GRIN3A: variants seen among roughly 807,000 people sequenced by gnomAD.
GRIN3A encodes glutamate ionotropic receptor NMDA type subunit 3A.
In GRIN3A, 47 loss-of-function variants were observed where a neutral mutation model predicts 92.4. The observed-to-expected ratio is 0.51, with a 90% confidence interval of 0.40 to 0.65. GRIN3A has a LOEUF of 0.65. Among genes scored for constraint, GRIN3A ranks in the 30% least tolerant of loss-of-function variants. The pLI is 0.00. For synonymous variants in GRIN3A, 527 were observed against 540.6 expected, an observed-to-expected ratio of 0.97 and a Z score of 0.35; for missense variants, 1,324 against 1,393.1, an observed-to-expected ratio of 0.95 and a Z score of 0.79.
chr9:101,604,262 G>A (rs954428408), intron 6 of GRIN3A, among the ~76,000 whole-genome samples: 2 of 152,128 alleles, frequency 1.3e-5, no homozygotes, highest in Admixed American at 6.6e-5. Flanking sequence ...AAGAAAGACA[G>A]GAAGAAAGGA....
rs549413295 is a variant in GRIN3A at position 101,580,502 on chromosome 9, G to T, written c.2767-1142C>A. ...CAAGGAAAGAACGTCCCTCAGGGAA[G>T]AGAATGAGTAGATTTAAGGGGAAAA... On this transcript the variant is annotated intron_variant, in intron 6 of 8. Coordinates refer to ENST00000361820, the MANE Select transcript of GRIN3A (RefSeq NM_133445.3). 1.4e-3 allele frequency among the ~76,000 whole-genome samples: 215 copies of T among 152,276 alleles called. 4 individuals carry two copies. The highest frequency in any genetic ancestry group is 2.1e-3 in the South Asian group (10 of 4,828).
At chr9:101,703,099 A>G (rs1025230938) in intron 1 of GRIN3A, among the ~76,000 whole-genome samples, 2 of 152,220 alleles carry the variant, frequency 1.3e-5, no homozygotes, top group South Asian at 4.1e-4. Context: ...TGACACACAG[A>G]CAGCAGGCAG....
chr9:101,612,453 G>A (rs1828379900), intron 6 of GRIN3A, among the ~76,000 whole-genome samples: 1 of 152,196 alleles, frequency 6.6e-6, no homozygotes, highest in South Asian at 2.1e-4. Flanking sequence ...CAGATGCCTG[G>A]AGAATATTCA....
At chr9:101,706,071 A>C (rs542055321) in intron 1 of GRIN3A, among the ~76,000 whole-genome samples, 141 of 152,348 alleles carry the variant, frequency 9.3e-4, no homozygotes, top group African/African-American at 3.2e-3. Context: ...AAAGTAAGAA[A>C]TATAAGAAGC....
intron 3 of GRIN3A, among the ~76,000 whole-genome samples, chr9:101,646,855 C>A (rs1828944427): frequency 6.6e-6 from 1 of 151,674 alleles, no homozygotes; most frequent in Non-Finnish European, 1.5e-5. Context: ...TTGTATCCTG[C>A]AACTTTACCA....
intron 5 of GRIN3A, among the ~76,000 whole-genome samples, chr9:101,621,995 C>G (rs1258301376): frequency 2.0e-5 from 3 of 152,146 alleles, no homozygotes; most frequent in Non-Finnish European, 2.9e-5. Flanking sequence ...TTCTTTTTCT[C>G]CCTTTGCTAT....
chr9:101,593,083 C>T (rs1254164943), intron 6 of GRIN3A: 1 of 152,206 alleles, frequency 6.6e-6, no homozygotes, highest in Non-Finnish European at 1.5e-5. Context: ...GAGCTGGTAA[C>T]ATTTGGGGTA....
intron 3 of GRIN3A, among the ~76,000 whole-genome samples, chr9:101,640,511 T>G (rs1219745438): frequency 6.6e-6 from 1 of 152,222 alleles, no homozygotes; most frequent in African/African-American, 2.4e-5. Flanking sequence ...GAAGTGGAAC[T>G]ATGGCTTACA....
At chr9:101,652,208 A>C (rs1479431093) in intron 3 of GRIN3A, among the ~76,000 whole-genome samples, 1 of 152,010 alleles carries the variant, frequency 6.6e-6, no homozygotes, top group Non-Finnish European at 1.5e-5. Flanking sequence ...AGGGTCACAA[A>C]ACCCAGTTAT....
intron 2 of GRIN3A, 116 bp from the exon 3 acceptor site, chr9:101,671,223 A>T: frequency 1.3e-6 from 1 of 764,686 alleles, no homozygotes; most frequent in Non-Finnish European, 2.3e-6. Flanking sequence ...TTTATTTAAA[A>T]AGACAGTGCC....
chr9:101,570,262 C>T lies in GRIN3A; in HGVS notation c.*2912G>A, dbSNP rs893873999. ...TTCCTGTGCCAGAAAAGCAAGGTAG[C>T]GTCCCTTATCTCTTTCTTCTTTACC... On this transcript the variant is annotated 3_prime_UTR_variant, in exon 9 of 9. Transcript: ENST00000361820. The T allele has an allele frequency of 2.0e-5, 3 of 152,446 alleles. No individual in the cohort carries two copies. The highest frequency in any genetic ancestry group is 2.1e-4 in the South Asian group (1 of 4,816). 9.4% of individuals were successfully genotyped at this position (152,446 alleles called of 1,614,324 possible). A position where few individuals can be genotyped will look rare whatever the true frequency, so the allele number is the denominator to read the frequency against.
intron 1 of GRIN3A, among the ~76,000 whole-genome samples, chr9:101,730,172 CT>C (rs1250585615): frequency 6.6e-6 from 1 of 152,142 alleles, no homozygotes; most frequent in Non-Finnish European, 1.5e-5. Flanking sequence ...TGCTGACCTA[CT>C]TTGCACACAC....
rs559615260 is a variant in GRIN3A, at chr9:101,585,758, A to G, written c.2767-6398T>C. 3.9e-5 allele frequency among the ~76,000 whole-genome samples: 6 copies of G among 152,288 alleles called. No individual in the cohort carries two copies. The East Asian group carries it at 1.2e-3, about 29-fold the overall frequency. ...CTCTCACCTCACCTAGATTATTGAGACAGCCTCCTAGTTGTTTTCCCTAAC... is the reference window on the plus strand; with the variant it reads ...CTCTCACCTCACCTAGATTATTGAGGCAGCCTCCTAGTTGTTTTCCCTAAC... On this transcript the variant is annotated intron_variant, in intron 6 of 8. Coordinates refer to ENST00000361820, the MANE Select transcript of GRIN3A (RefSeq NM_133445.3).
At chr9:101,622,034 C>T (rs1476799613) in intron 5 of GRIN3A, among the ~76,000 whole-genome samples, 1 of 152,190 alleles carries the variant, frequency 6.6e-6, no homozygotes, top group Non-Finnish European at 1.5e-5. Context: ...TAGAAGACCA[C>T]TACTGCTAAT....
At chr9:101,576,556 T>C (rs979688320) in intron 8 of GRIN3A, among the ~76,000 whole-genome samples, 1 of 152,238 alleles carries the variant, frequency 6.6e-6, no homozygotes, top group African/African-American at 2.4e-5. Flanking sequence ...CCTGTTTCTA[T>C]TATAGCTGGA....
chr9:101,603,514 A>G lies in GRIN3A; in HGVS notation c.2766+9862T>C, dbSNP rs10118872. Among the ~76,000 whole-genome samples, 213 of 152,308 alleles carry G rather than the reference A, an allele frequency of 1.4e-3. 1 individual carries two copies. Among genetic ancestry groups the G allele is most frequent in the African/African-American group, 3.0e-3 (123 of 41,566 alleles). On this transcript the variant is annotated intron_variant, in intron 6 of 8. Coordinates refer to ENST00000361820, the MANE Select transcript of GRIN3A (RefSeq NM_133445.3). ...CACACAGTGGTGGAGCTGGGAGTCA[A>G]ATCCTGGTATGTTGCTCCCAGAGCT...
At chr9:101,589,753 C>T (rs1237944693) in intron 6 of GRIN3A, among the ~76,000 whole-genome samples, 1 of 152,002 alleles carries the variant, frequency 6.6e-6, no homozygotes, top group African/African-American at 2.4e-5. Context: ...GATTATTGTA[C>T]ATTTTTCTAC....
chr9:101,651,449 C>T (rs10989581), intron 3 of GRIN3A, among the ~76,000 whole-genome samples: 42,691 of 151,710 alleles, frequency 0.28, 5,965 homozygotes, highest in Non-Finnish European at 0.29. Flanking sequence ...ACTAACATAC[C>T]TTTTTGATAC....
At chr9:101,612,036 T>C (rs1440883181) in intron 6 of GRIN3A, among the ~76,000 whole-genome samples, 1 of 152,206 alleles carries the variant, frequency 6.6e-6, no homozygotes, top group Non-Finnish European at 1.5e-5. Context: ...TTGTGGGCTA[T>C]GCCAATGTTT....
Sources: gnomAD v4.1 joint callset for allele counts (sites outside exome capture counted in the v4.1 genomes callset) on GRCh38, gnomAD v4.1.1 for gene constraint, MANE v1.5 for transcripts, NCBI Gene and HGNC (gene_info 2026-07-23, HGNC 2026-07-21) for gene names.